EML6: variants seen among roughly 807,000 people sequenced by gnomAD.
The protein encoded by EML6 is echinoderm microtubule-associated protein-like 6.
A neutral mutation model predicts 240.1 loss-of-function variants in EML6; 154 were observed. The ratio of observed to expected loss-of-function variants is 0.64; its 90% CI spans 0.56 to 0.73. The LOEUF (loss-of-function observed/expected upper bound fraction) is 0.73, where lower values mean the gene tolerates loss of function less well. Ranked by LOEUF, EML6 falls within the 30% of genes least tolerant of loss-of-function variation. EML6 has a pLI of 0.00. For missense variants in EML6, 2,964 were observed against 2,474.6 expected (o/e 1.20, Z -4.20); for synonymous variants, 1,148 against 899.0 (o/e 1.28, Z -4.95).
At chr2:54,821,715 G>A (rs1668343244) in intron 5 of EML6, among the ~76,000 whole-genome samples, 2 of 152,052 alleles carry the variant, frequency 1.3e-5, no homozygotes, top group African/African-American at 4.8e-5. Context: ...ACCTTAATAT[G>A]TATGACAACT....
Position 54,970,283 on chromosome 2 carries a change from G to A in EML6, c.*188G>A. 1 of 630,154 alleles carries A rather than the reference G, an allele frequency of 1.6e-6. No homozygotes were observed. The highest frequency in any genetic ancestry group is 2.8e-6 in the Non-Finnish European group (1 of 356,238). 39.0% of individuals were successfully genotyped at this position (630,154 alleles called of 1,614,324 possible). A position where few individuals can be genotyped will look rare whatever the true frequency, so the allele number is the denominator to read the frequency against. Reference sequence around the variant, plus strand: ...AATCTGGACTCTCCAAAACCGTGATGCCACGAAGGAAGGTCAAGTTTTAAA... The same window carrying A: ...AATCTGGACTCTCCAAAACCGTGATACCACGAAGGAAGGTCAAGTTTTAAA... On this transcript the variant is annotated 3_prime_UTR_variant, in exon 42 of 42. Coordinates refer to ENST00000356458, the MANE Select transcript of EML6 (RefSeq NM_001039753.4).
chr2:54,911,164 C>T (rs535205263), intron 25 of EML6, 122 bp downstream of exon 25: 3 of 551,064 alleles, frequency 5.4e-6, no homozygotes, highest in African/African-American at 1.9e-5. Flanking sequence ...TAAGTTTGAT[C>T]GTGTCTTCAA....
At chr2:54,756,458 G>A (rs1328727103) in intron 2 of EML6, among the ~76,000 whole-genome samples, 1 of 152,114 alleles carries the variant, frequency 6.6e-6, no homozygotes, top group Non-Finnish European at 1.5e-5. Context: ...TTTTATGTCT[G>A]TGAGCATGCT....
intron 2 of EML6, among the ~76,000 whole-genome samples, chr2:54,805,802 C>T (rs1558564775): frequency 6.6e-6 from 1 of 152,026 alleles, no homozygotes. Flanking sequence ...TGGTTTAGCT[C>T]TTATACTTTT....
chr2:54,911,076 T>G, intron 25 of EML6, 34 bp downstream of exon 25: 1 of 1,138,994 alleles, frequency 8.8e-7, no homozygotes, highest in Non-Finnish European at 1.3e-6. Context: ...TTAAAGATAT[T>G]TTGTGAAGAT....
At position 54,971,149 on chromosome 2, in the gene EML6, G is replaced by A. The variant is rs138440137; in HGVS notation, c.*1054G>A. ...TTGATTGCTTCAGGCGAACTATATA[G>A]GTCAAGTCCAGATTATAAAAAAATT... On this transcript the variant is annotated 3_prime_UTR_variant, in exon 42 of 42. Transcript: ENST00000356458. 6 of 152,280 alleles carry A rather than the reference G, an allele frequency of 3.9e-5. No homozygotes were observed. The South Asian group carries it at 1.2e-3, about 32-fold the overall frequency. The allele number at this position is 152,280 out of a possible 1,614,324, so 9.4% of individuals were successfully genotyped here.
At chr2:54,811,222 A>G (rs1220091046) in intron 2 of EML6, among the ~76,000 whole-genome samples, 1 of 152,120 alleles carries the variant, frequency 6.6e-6, no homozygotes, top group Non-Finnish European at 1.5e-5. Context: ...TTACCTTCCT[A>G]AATTATGGAA....
intron 18 of EML6, among the ~76,000 whole-genome samples, chr2:54,891,355 C>A (rs1342611168): frequency 6.6e-6 from 1 of 152,200 alleles, no homozygotes; most frequent in Non-Finnish European, 1.5e-5. Flanking sequence ...TTCATCAATA[C>A]CTAGAAAGCT....
In EML6 at chr2:54,869,317, A is replaced by G. The variant is rs752490030; in HGVS notation, c.2188A>G (p.Ile730Val). The G allele has an allele frequency of 6.4e-7, 1 of 1,551,698 alleles. No individual in the cohort carries two copies. The highest frequency in any genetic ancestry group is 1.4e-5 in the African/African-American group (1 of 73,184). Residue 730 changes from isoleucine (I) to valine (V), a missense_variant, in exon 15 of 42, where the codon ATT (isoleucine) becomes GTT (valine). By Grantham distance (29) the Ile-to-Val change is conservative. Coordinates refer to ENST00000356458, the MANE Select transcript of EML6 (RefSeq NM_001039753.4). Reference protein sequence around the residue: ...QRLYLGHDDDILSLTIHPVKD... With the variant: ...QRLYLGHDDDVLSLTIHPVKD... ...GCTGTACCTGGGGCACGATGACGAC[A>G]TTCTCAGCCTGACCATCCATCCAGT...
intron 24 of EML6, among the ~76,000 whole-genome samples, chr2:54,910,308 G>A (rs1673572672): frequency 6.6e-6 from 1 of 152,208 alleles, no homozygotes; most frequent in Non-Finnish European, 1.5e-5. Context: ...TGTAGGAGGA[G>A]AATTAGGAAA....
intron 3 of EML6, among the ~76,000 whole-genome samples, chr2:54,814,565 C>T (rs1043337501): frequency 6.6e-6 from 1 of 152,146 alleles, no homozygotes; most frequent in Non-Finnish European, 1.5e-5. Context: ...CGTGTTTCTG[C>T]CTGTTAATTC....
At chr2:54,864,320 C>T (rs566246532) in intron 13 of EML6, among the ~76,000 whole-genome samples, 1 of 152,160 alleles carries the variant, frequency 6.6e-6, no homozygotes, top group African/African-American at 2.4e-5. Flanking sequence ...TATTAACTTA[C>T]TGCAACCATT....
At chr2:54,969,815 C>T (rs964265599) in intron 41 of EML6, among the ~76,000 whole-genome samples, 1 of 152,120 alleles carries the variant, frequency 6.6e-6, no homozygotes, top group Non-Finnish European at 1.5e-5. Flanking sequence ...GCCAGAAGTC[C>T]TCACGGACCA....
intron 14 of EML6, 91 bp downstream of exon 14, chr2:54,866,975 C>A (rs1375735666): frequency 7.3e-6 from 5 of 686,030 alleles, no homozygotes; most frequent in Non-Finnish European, 1.3e-5. Flanking sequence ...GATCCCCTCC[C>A]CTCAGTGTCG....
Position 54,899,791 on chromosome 2 carries a change from C to T in EML6, c.3124+9C>T. On this transcript the variant is annotated intron_variant, in intron 22 of 41. Transcript: ENST00000356458. ...ACGGAAACTCAAAAAAGGTACATAA[C>T]ACCACCTTACACATCTGTCAGAGTA... The T allele has an allele frequency of 2.6e-6, 4 of 1,546,814 alleles. No homozygotes were observed. The highest frequency in any genetic ancestry group is 3.5e-6 in the Non-Finnish European group (4 of 1,143,902).
chr2:54,924,008 G>A (rs1461143107), intron 26 of EML6, among the ~76,000 whole-genome samples: 1 of 152,098 alleles, frequency 6.6e-6, no homozygotes, highest in Non-Finnish European at 1.5e-5. Context: ...GGATATAACA[G>A]GTTGTTCATC....
chr2:54,889,167 A>C (rs1672319829), intron 17 of EML6, among the ~76,000 whole-genome samples: 1 of 152,168 alleles, frequency 6.6e-6, no homozygotes, highest in Non-Finnish European at 1.5e-5. Context: ...CAACTCATAC[A>C]CAGGTACTAT....
intron 7 of EML6, among the ~76,000 whole-genome samples, chr2:54,830,548 C>T (rs72808620): frequency 0.028 from 4,189 of 152,262 alleles, 180 homozygotes; most frequent in East Asian, 0.22. Flanking sequence ...ATGAAGCCCC[C>T]GCTGTGTGAC....
chr2:54,816,095 C>T (rs988077456), intron 3 of EML6, among the ~76,000 whole-genome samples: 4 of 152,176 alleles, frequency 2.6e-5, no homozygotes, highest in Admixed American at 6.5e-5. Context: ...AGATTTCTTA[C>T]ATAATACTTT....
Sources: allele counts gnomAD v4.1 joint callset (sites outside exome capture counted in the v4.1 genomes callset), GRCh38; gene constraint gnomAD v4.1.1; transcripts MANE v1.5; gene names NCBI Gene and HGNC (gene_info 2026-07-23, HGNC 2026-07-21).